MVB12B: variants seen among roughly 807,000 people sequenced by gnomAD.
MVB12B encodes multivesicular body subunit 12B, also known as ESCRT-I complex subunit MVB12B.
MVB12B carries 16 observed loss-of-function variants against 41.6 expected under a neutral mutation model. The observed-to-expected ratio is 0.38, with a 90% CI of 0.26 to 0.58. The LOEUF (loss-of-function observed/expected upper bound fraction) is 0.58, where lower values mean the gene tolerates loss of function less well. Ranked by LOEUF, MVB12B falls within the 20% of genes least tolerant of loss-of-function variation. The pLI, the probability that MVB12B is intolerant of heterozygous loss-of-function variation, is 0.62. For missense variants in MVB12B, 274 were observed against 380.2 expected (o/e 0.72, Z 2.32); for synonymous variants, 133 against 139.7 (o/e 0.95, Z 0.34).
At chr9:126,461,423 G>A (rs1053786509) in intron 7 of MVB12B, among the ~76,000 whole-genome samples, 30 of 152,196 alleles carry the variant, frequency 2.0e-4, no homozygotes, top group African/African-American at 7.2e-4. Context: ...ATGTTGTGCT[G>A]TGAGCCATGT....
chr9:126,485,764 A>AAAAG (rs10684844), intron 9 of MVB12B, among the ~76,000 whole-genome samples: 129,470 of 151,616 alleles, frequency 0.85, 55,696 homozygotes, highest in East Asian at 0.91. Context: ...TTCCTAATAA[A>AAAAG]AAAGAAACCC....
Position 126,333,252 on chromosome 9 carries a change from A to G in MVB12B, c.81+6242A>G, listed in dbSNP as rs766201030. Among the ~76,000 whole-genome samples, 4 of 151,814 alleles carry G rather than the reference A, an allele frequency of 2.6e-5. No individual in the cohort carries two copies. Among genetic ancestry groups the G allele is most frequent in the Non-Finnish European group, 5.9e-5 (4 of 67,986 alleles). ...CAGGTGCGTGCCACCATGCCTGGCTAATTTTTGTATTTTTAGTAAAGACAG... is the reference window on the plus strand; with the variant it reads ...CAGGTGCGTGCCACCATGCCTGGCTGATTTTTGTATTTTTAGTAAAGACAG... On this transcript the variant is annotated intron_variant, in intron 1 of 9. Coordinates refer to ENST00000361171, the MANE Select transcript of MVB12B (RefSeq NM_033446.3). The surrounding 1 kb of genome is among the most constrained non-coding windows in gnomAD (Gnocchi z 4.7).
intron 9 of MVB12B, among the ~76,000 whole-genome samples, chr9:126,502,766 AG>A (rs1294507160): frequency 1.3e-5 from 2 of 152,190 alleles, no homozygotes; most frequent in Non-Finnish European, 2.9e-5. Context: ...AGCCTCAGCC[AG>A]GTTTGGGGTT....
At chr9:126,455,934 A>C (rs1291933251) in intron 7 of MVB12B, among the ~76,000 whole-genome samples, 1 of 117,222 alleles carries the variant, frequency 8.5e-6, no homozygotes, top group Non-Finnish European at 1.6e-5. Context: ...TCTTTTGCCC[A>C]GGCTGGAATG....
intron 2 of MVB12B, among the ~76,000 whole-genome samples, chr9:126,363,669 C>A (rs1423482474): frequency 1.3e-5 from 2 of 152,214 alleles, no homozygotes; most frequent in Non-Finnish European, 2.9e-5. Context: ...GAGCACCTAG[C>A]ACTCAGTAAG....
chr9:126,410,906 G>A (rs1219245907), intron 6 of MVB12B, among the ~76,000 whole-genome samples: 2 of 69,088 alleles, frequency 2.9e-5, no homozygotes, highest in Non-Finnish European at 6.1e-5. Flanking sequence ...TTTTTTTTTT[G>A]AGATGGAGTC....
chr9:126,497,860 C>T (rs1208088560), intron 9 of MVB12B, among the ~76,000 whole-genome samples: 3 of 152,246 alleles, frequency 2.0e-5, no homozygotes, highest in Non-Finnish European at 2.9e-5. Context: ...CCAAACCGAA[C>T]AGTTGCTCAG....
At chr9:126,387,067 G>C (rs1462193478) in intron 4 of MVB12B, among the ~76,000 whole-genome samples, 1 of 152,012 alleles carries the variant, frequency 6.6e-6, no homozygotes, top group African/African-American at 2.4e-5. Flanking sequence ...TGCCCATTTG[G>C]GGCCCGTTGA....
chr9:126,361,175 A>G (rs951829535), intron 2 of MVB12B, among the ~76,000 whole-genome samples: 2 of 151,504 alleles, frequency 1.3e-5, no homozygotes, highest in African/African-American at 4.9e-5. Flanking sequence ...TTTATTAATT[A>G]TTTTTATCTC....
At chr9:126,387,131 G>C (rs560856821) in intron 4 of MVB12B, among the ~76,000 whole-genome samples, 2 of 152,204 alleles carry the variant, frequency 1.3e-5, no homozygotes, top group East Asian at 3.9e-4. Context: ...TCATAGGTTC[G>C]AATTGGACTG....
At chr9:126,377,190 C>T (rs78364121) in intron 2 of MVB12B, among the ~76,000 whole-genome samples, 2,031 of 152,298 alleles carry the variant, frequency 0.013, 52 homozygotes, top group African/African-American at 0.047. Flanking sequence ...GGCCCTAGGG[C>T]CCTCCTGCTC....
At position 126,395,015 on chromosome 9, in the gene MVB12B, C is replaced by G. The variant is rs2119006467; in HGVS notation, c.540-560C>G. 6.6e-6 allele frequency among the ~76,000 whole-genome samples: 1 copy of G among 152,190 alleles called. No individual in the cohort carries two copies. The highest frequency in any genetic ancestry group is 2.4e-5 in the African/African-American group (1 of 41,512). On this transcript the variant is annotated intron_variant, in intron 5 of 9. Coordinates refer to ENST00000361171, the MANE Select transcript of MVB12B (RefSeq NM_033446.3). This position sits in a 1 kb window ranked among gnomAD's most constrained non-coding sequence, Gnocchi z 4.9. ...AGCTTATGCGGCGTCTGGGAGGCCC[C>G]TTGGTGTCCACTCCTAGTTGTGTGG...
intron 1 of MVB12B, among the ~76,000 whole-genome samples, chr9:126,338,492 A>G (rs1201166115): frequency 1.3e-5 from 2 of 151,796 alleles, no homozygotes; most frequent in African/African-American, 4.8e-5. Flanking sequence ...CTGCTTATTC[A>G]TGCTTACCCC....
At chr9:126,447,629 C>A (rs1239193764) in intron 7 of MVB12B, among the ~76,000 whole-genome samples, 2 of 152,106 alleles carry the variant, frequency 1.3e-5, no homozygotes, top group Non-Finnish European at 2.9e-5. Context: ...TCCGTTGATA[C>A]TTGAAAACAC....
chr9:126,480,587 T>G lies in MVB12B; in HGVS notation c.758-782T>G, dbSNP rs1321996031. Among the ~76,000 whole-genome samples, 3 of 152,200 alleles carry G rather than the reference T, an allele frequency of 2.0e-5. No homozygotes were observed. The highest frequency in any genetic ancestry group is 7.2e-5 in the African/African-American group (3 of 41,446). Reference sequence around the variant, plus strand: ...ACCAGGCCCCTGGTTTCTCCATCGTTGCGTCCCCGTTCCATGCCCTTTTTC... The same window carrying G: ...ACCAGGCCCCTGGTTTCTCCATCGTGGCGTCCCCGTTCCATGCCCTTTTTC... On this transcript the variant is annotated intron_variant, in intron 7 of 9. Coordinates refer to ENST00000361171, the MANE Select transcript of MVB12B (RefSeq NM_033446.3). This position sits in a 1 kb window ranked among gnomAD's most constrained non-coding sequence, Gnocchi z 4.9.
rs1829427861 is a variant in MVB12B at position 126,340,898 on chromosome 9, T to A, written c.204+268T>A. Among the ~76,000 whole-genome samples the A allele has an allele frequency of 6.6e-6, 1 of 152,226 alleles. No individual in the cohort carries two copies. The highest frequency in any genetic ancestry group is 2.4e-5 in the African/African-American group (1 of 41,462). Reference sequence around the variant, plus strand: ...GATTCATTGATTTTCAACTTCTGGTTGTGACATTTCGTGAAAAGGATCCAG... The same window carrying A: ...GATTCATTGATTTTCAACTTCTGGTAGTGACATTTCGTGAAAAGGATCCAG... On this transcript the variant is annotated intron_variant, in intron 2 of 9. Coordinates refer to ENST00000361171, the MANE Select transcript of MVB12B (RefSeq NM_033446.3). The surrounding 1 kb of genome is among the most constrained non-coding windows in gnomAD (Gnocchi z 4.0).
intron 7 of MVB12B, 64 bp downstream of exon 7, chr9:126,422,012 C>T: frequency 8.6e-7 from 1 of 1,160,094 alleles, no homozygotes; most frequent in Non-Finnish European, 1.3e-6. Flanking sequence ...CCTCCTTCCA[C>T]ACGTTCTCTG....
In MVB12B at chr9:126,459,420, C is replaced by T. The variant is rs1259627327; in HGVS notation, c.758-21949C>T. ...CAAGACGCAGCTGCATCACTGCCTG[C>T]CCCTAGCATGGTTAGTCCTTCCGGG... On this transcript the variant is annotated intron_variant, in intron 7 of 9. Coordinates refer to ENST00000361171, the MANE Select transcript of MVB12B (RefSeq NM_033446.3). The surrounding 1 kb of genome is among the most constrained non-coding windows in gnomAD (Gnocchi z 4.3). 1.3e-5 allele frequency among the ~76,000 whole-genome samples: 2 copies of T among 152,208 alleles called. No homozygotes were observed. The highest frequency in any genetic ancestry group is 2.1e-4 in the South Asian group (1 of 4,830).
At chr9:126,360,382 A>G (rs1174352868) in intron 2 of MVB12B, among the ~76,000 whole-genome samples, 1 of 152,196 alleles carries the variant, frequency 6.6e-6, no homozygotes. Flanking sequence ...GTATATTATT[A>G]TGTTTTCAAC....
Sources: gnomAD v4.1 joint callset for allele counts (sites outside exome capture counted in the v4.1 genomes callset) on GRCh38, gnomAD v4.1.1 for gene constraint, Gnocchi (gnomAD v3.1) non-coding constraint, MANE v1.5 for transcripts, NCBI Gene and HGNC (gene_info 2026-07-23, HGNC 2026-07-21) for gene names.